CLASP1: variants seen among roughly 807,000 people sequenced by gnomAD.
CLASP1 encodes CLIP-associating protein 1.
CLASP1 carries 38 observed loss-of-function variants against 192.3 expected under a neutral mutation model. That is an observed-to-expected ratio of 0.20 (90% CI 0.15 to 0.26). CLASP1 has a LOEUF of 0.26. Ranked by LOEUF, CLASP1 falls within the 10% of genes least tolerant of loss-of-function variation. CLASP1 has a pLI of 1.00. For missense variants in CLASP1, 1,433 were observed against 1,932.5 expected (o/e 0.74, Z 4.85); for synonymous variants, 691 against 712.8 (o/e 0.97, Z 0.49).
intron 2 of CLASP1, among the ~76,000 whole-genome samples, chr2:121,556,423 C>G (rs886364409): frequency 2.0e-5 from 3 of 152,164 alleles, no homozygotes; most frequent in Non-Finnish European, 2.9e-5. Flanking sequence ...CATTACCTCT[C>G]TGAGCTTATC....
chr2:121,469,813 G>C (rs774038770), exon 9 of CLASP1: 18 of 1,611,632 alleles, frequency 1.1e-5, no homozygotes, highest in Non-Finnish European at 1.5e-5. Context: ...CTAACCTGAA[G>C]ACTTGGATCC....
chr2:121,622,938 T>G (rs953496270), intron 1 of CLASP1, among the ~76,000 whole-genome samples: 1 of 152,130 alleles, frequency 6.6e-6, no homozygotes, highest in African/African-American at 2.4e-5. Context: ...ACTATACATG[T>G]TTTGGTCAAG....
chr2:121,443,676 A>G (rs1417599941), intron 19 of CLASP1, among the ~76,000 whole-genome samples: 5 of 152,196 alleles, frequency 3.3e-5, no homozygotes, highest in Non-Finnish European at 5.9e-5. Flanking sequence ...CCTAAGAACC[A>G]CCAGTGAGGC....
chr2:121,347,128 C>T, exon 39 of CLASP1: 1 of 1,579,958 alleles, frequency 6.3e-7, no homozygotes, highest in Non-Finnish European at 8.6e-7. Flanking sequence ...TGGCCTTACG[C>T]ACACTACTTT....
intron 8 of CLASP1, chr2:121,470,295 T>TTC (rs2090466530): frequency 4.9e-6 from 1 of 205,508 alleles, no homozygotes. Flanking sequence ...CATCCATGCT[T>TTC]TTTTTTTTTT....
At chr2:121,470,342 C>T (rs2090495627) in intron 8 of CLASP1, 3 of 454,562 alleles carry the variant, frequency 6.6e-6, no homozygotes, top group Admixed American at 2.7e-5. Flanking sequence ...CTCACTGTCA[C>T]TCAATCCTCC....
intron 38 of CLASP1, among the ~76,000 whole-genome samples, chr2:121,347,686 G>A (rs933779072): frequency 5.3e-5 from 8 of 152,140 alleles, no homozygotes; most frequent in East Asian, 1.9e-4. Flanking sequence ...TCTATCTGTC[G>A]GCCTCATCCT....
chr2:121,627,433 A>G (rs2068592873), intron 1 of CLASP1, among the ~76,000 whole-genome samples: 1 of 152,246 alleles, frequency 6.6e-6, no homozygotes, highest in African/African-American at 2.4e-5. Context: ...TTCACTGCAG[A>G]GAGAAAGACA....
At chr2:121,417,923 G>C (rs554964633) in intron 23 of CLASP1, among the ~76,000 whole-genome samples, 1 of 152,160 alleles carries the variant, frequency 6.6e-6, no homozygotes, top group African/African-American at 2.4e-5. Flanking sequence ...TCAGGTCTAC[G>C]TCTAAGTATT....
chr2:121,513,365 G>A (rs911386971), intron 7 of CLASP1, among the ~76,000 whole-genome samples: 3 of 152,188 alleles, frequency 2.0e-5, no homozygotes, highest in Non-Finnish European at 2.9e-5. Context: ...TTTAGGTAAC[G>A]TGAGCTAGCA....
intron 1 of CLASP1, among the ~76,000 whole-genome samples, chr2:121,648,651 C>A (rs72956563): frequency 0.038 from 5,829 of 152,326 alleles, 158 homozygotes; most frequent in East Asian, 0.14. Flanking sequence ...GGCTAACGTG[C>A]AAGATCACAC....
chr2:121,400,507 G>C (rs2076003449), intron 28 of CLASP1, among the ~76,000 whole-genome samples: 1 of 152,192 alleles, frequency 6.6e-6, no homozygotes. Context: ...GAAGGTTCCA[G>C]TGCTATCCAT....
chr2:121,393,202 A>C (rs998025653), intron 30 of CLASP1, among the ~76,000 whole-genome samples: 1 of 152,354 alleles, frequency 6.6e-6, no homozygotes, highest in Admixed American at 6.5e-5. Context: ...GATGAGTCTA[A>C]TATGAGAATT....
At chr2:121,437,244 T>G (rs72967401) in intron 19 of CLASP1, among the ~76,000 whole-genome samples, 46 of 152,324 alleles carry the variant, frequency 3.0e-4, no homozygotes, top group African/African-American at 1.1e-3. Flanking sequence ...ATTACAGGTG[T>G]GAGCCACTGT....
rs762684912 is a variant in CLASP1 at position 121,519,945 on chromosome 2, T to A, written c.547-4183A>T. Among the ~76,000 whole-genome samples, 3 of 152,126 alleles carry A rather than the reference T, an allele frequency of 2.0e-5. No individual in the cohort carries two copies. The South Asian group carries it at 6.2e-4, about 32-fold the overall frequency. On this transcript the variant is annotated intron_variant, in intron 6 of 39. Coordinates refer to ENST00000263710, the Ensembl canonical transcript of CLASP1. The stretch of plus-strand genomic sequence containing the variant: ...CGCACTGCCTCTCCCTGCTGACCCC[T>A]CAGGCTCACCACAGAAAGGCACCAC...
chr2:121,531,132 C>G (rs939411488), intron 2 of CLASP1: 2 of 620,126 alleles, frequency 3.2e-6, no homozygotes, highest in Non-Finnish European at 5.9e-6. Context: ...AAGTAAAGTT[C>G]TTTCAGTTTT....
chr2:121,645,233 A>G (rs987799246), intron 1 of CLASP1, among the ~76,000 whole-genome samples: 15 of 152,330 alleles, frequency 9.8e-5, no homozygotes, highest in Admixed American at 2.0e-4. Context: ...GATATCTGTC[A>G]TGGGAAATAT....
intron 37 of CLASP1, among the ~76,000 whole-genome samples, chr2:121,349,101 G>A (rs1228470530): frequency 2.6e-5 from 4 of 152,084 alleles, no homozygotes; most frequent in African/African-American, 4.8e-5. Flanking sequence ...TTAGCCGGAC[G>A]TGTTGGTGGG....
chr2:121,485,363 C>G (rs2092901300), intron 8 of CLASP1, among the ~76,000 whole-genome samples: 1 of 152,242 alleles, frequency 6.6e-6, no homozygotes, highest in South Asian at 2.1e-4. Flanking sequence ...CCCTGTGGGT[C>G]TACCCTCATG....
Sources: gnomAD v4.1 joint callset for allele counts (sites outside exome capture counted in the v4.1 genomes callset) on GRCh38, gnomAD v4.1.1 for gene constraint, MANE v1.5 for transcripts, NCBI Gene and HGNC (gene_info 2026-07-23, HGNC 2026-07-21) for gene names.